Variants in FOXN3 observed in about 807,000 individuals in gnomAD.
FOXN3 encodes forkhead box N3, also known as forkhead box protein N3.
A neutral mutation model predicts 38.4 loss-of-function variants in FOXN3; 7 were observed. That is an observed-to-expected ratio of 0.18 (90% CI 0.10 to 0.34). The LOEUF (loss-of-function observed/expected upper bound fraction) is 0.34. Among genes scored for constraint, FOXN3 ranks in the 10% least tolerant of loss-of-function variants. FOXN3 has a pLI of 1.00. For missense variants in FOXN3, 456 were observed against 613.4 expected, an observed-to-expected ratio of 0.74 and a Z score of 2.71; for synonymous variants, 230 against 242.2, an observed-to-expected ratio of 0.95 and a Z score of 0.47.
At chr14:89,396,342 G>C (rs1891097602) in intron 2 of FOXN3, among the ~76,000 whole-genome samples, 1 of 152,192 alleles carries the variant, frequency 6.6e-6, no homozygotes, top group Non-Finnish European at 1.5e-5. Context: ...GCAGAGAAAA[G>C]AGCATCAGGC....
At chr14:89,582,913 A>G (rs1895773672) in intron 1 of FOXN3, among the ~76,000 whole-genome samples, 1 of 152,058 alleles carries the variant, frequency 6.6e-6, no homozygotes, top group Non-Finnish European at 1.5e-5. Flanking sequence ...ACTTAATACA[A>G]TTATTTTGAG....
chr14:89,399,717 G>A (rs1041802329), intron 2 of FOXN3, among the ~76,000 whole-genome samples: 1 of 152,164 alleles, frequency 6.6e-6, no homozygotes, highest in Non-Finnish European at 1.5e-5. Context: ...GAGGGGCTGC[G>A]ATCTCTTTTA....
At chr14:89,422,118 G>A (rs1224426734), upstream of FOXN3, among the ~76,000 whole-genome samples, 6 of 148,854 alleles carry the variant, frequency 4.0e-5, no homozygotes, top group East Asian at 6.1e-4. Flanking sequence ...GCAATCTTCC[G>A]GCTTCGGCCT....
At chr14:89,242,905 C>CA (rs1885181934) in intron 4 of FOXN3, among the ~76,000 whole-genome samples, 1 of 152,198 alleles carries the variant, frequency 6.6e-6, no homozygotes, top group African/African-American at 2.4e-5. Flanking sequence ...TTAGAATATT[C>CA]ATCTGATGGT....
chr14:89,412,313 A>G lies in FOXN3; in HGVS notation c.164T>C (p.Met55Thr). 1 of 1,614,022 alleles carries G rather than the reference A, an allele frequency of 6.2e-7. No homozygotes were observed. Among genetic ancestry groups the G allele is most frequent in the East Asian group, 2.2e-5 (1 of 44,876 alleles). ...CAGGTTGGTCAGCTCTTCATCTTCCATGGCCCCCTCTTCTAATCGGATGTC... is the reference window on the plus strand; with the variant it reads ...CAGGTTGGTCAGCTCTTCATCTTCCGTGGCCCCCTCTTCTAATCGGATGTC... Reference protein sequence around the residue: ...LPDIRLEEGAMEDEELTNLNW... With the variant: ...LPDIRLEEGATEDEELTNLNW... The change falls in exon 2 of 6, where the codon ATG becomes ACG. Residue 55 changes from methionine (M) to threonine (T), a missense_variant. Physicochemically the swap from Met to Thr is moderately conservative, Grantham distance 81. This residue lies in a region of FOXN3 where 59 missense variants were observed against 69.0 expected (regional missense o/e 0.85). Transcript: ENST00000557258. The surrounding 1 kb of genome is among the most constrained non-coding windows in gnomAD (Gnocchi z 4.7).
intron 1 of FOXN3, among the ~76,000 whole-genome samples, chr14:89,553,592 C>T (rs1895054855): frequency 6.6e-6 from 1 of 152,118 alleles, no homozygotes; most frequent in Non-Finnish European, 1.5e-5. Flanking sequence ...CAATTAGGAT[C>T]CTCAGCCCCT....
At chr14:89,535,914 C>T (rs980497988) in intron 1 of FOXN3, among the ~76,000 whole-genome samples, 2 of 152,128 alleles carry the variant, frequency 1.3e-5, no homozygotes, top group Admixed American at 1.3e-4. Context: ...AAACATAAGT[C>T]GTTTGTAACA....
intron 4 of FOXN3, among the ~76,000 whole-genome samples, chr14:89,246,862 A>G (rs897936135): frequency 6.6e-6 from 1 of 152,150 alleles, no homozygotes; most frequent in Non-Finnish European, 1.5e-5. Flanking sequence ...TGGCTGAAGA[A>G]AAGAGAGCAT....
At chr14:89,200,403 G>T (rs61985224) in intron 4 of FOXN3, among the ~76,000 whole-genome samples, 1 of 152,066 alleles carries the variant, frequency 6.6e-6, no homozygotes, top group African/African-American at 2.4e-5. Context: ...GGTAAGTACA[G>T]AGCTCAAAGA....
chr14:89,339,058 C>T (rs1233139516), intron 3 of FOXN3, among the ~76,000 whole-genome samples: 3 of 152,216 alleles, frequency 2.0e-5, no homozygotes, highest in East Asian at 1.9e-4. Flanking sequence ...TGGAGTGCAA[C>T]GGTGCGATCT....
chr14:89,332,716 T>C (rs118054664), intron 3 of FOXN3, among the ~76,000 whole-genome samples: 3,088 of 152,140 alleles, frequency 0.02, 43 homozygotes, highest in South Asian at 0.041. Context: ...TACATCAAAC[T>C]AAAAAGTTTT....
chr14:89,569,207 A>AT (rs1373474734), intron 1 of FOXN3, among the ~76,000 whole-genome samples: 18 of 151,954 alleles, frequency 1.2e-4, no homozygotes, highest in East Asian at 3.9e-4. Context: ...TCCGTCTCAA[A>AT]GAAAAAGAAA....
intron 1 of FOXN3, among the ~76,000 whole-genome samples, chr14:89,459,752 C>T (rs557992070): frequency 6.6e-6 from 1 of 152,216 alleles, no homozygotes; most frequent in South Asian, 2.1e-4. Flanking sequence ...AGAAAGCAGG[C>T]CCTCAGGTAC....
intron 4 of FOXN3, among the ~76,000 whole-genome samples, chr14:89,211,193 C>A (rs549588823): frequency 6.6e-6 from 1 of 152,208 alleles, no homozygotes; most frequent in Non-Finnish European, 1.5e-5. Context: ...TCTGGAGGGA[C>A]CTGAGCCCAG....
intron 1 of FOXN3, among the ~76,000 whole-genome samples, chr14:89,439,079 G>A (rs1197931651): frequency 1.3e-5 from 2 of 152,042 alleles, no homozygotes; most frequent in Non-Finnish European, 1.5e-5. Flanking sequence ...TCTTAAAGAG[G>A]TACCCACCCC....
intron 1 of FOXN3, among the ~76,000 whole-genome samples, chr14:89,475,587 T>C (rs574800090): frequency 6.6e-6 from 1 of 152,276 alleles, no homozygotes; most frequent in East Asian, 1.9e-4. Context: ...CCCCGGAGTT[T>C]AAGGCTGCAG....
chr14:89,488,836 TC>T (rs1168193882), intron 1 of FOXN3, among the ~76,000 whole-genome samples: 3 of 152,096 alleles, frequency 2.0e-5, no homozygotes, highest in Non-Finnish European at 4.4e-5. Context: ...TTACCACGCC[TC>T]GACAGCCCCT....
intron 3 of FOXN3, among the ~76,000 whole-genome samples, chr14:89,336,107 T>C (rs547352204): frequency 6.6e-6 from 1 of 151,026 alleles, no homozygotes; most frequent in South Asian, 2.1e-4. Flanking sequence ...ACATTCGCTT[T>C]TCGATTTTGT....
intron 2 of FOXN3, 67 bp from the exon 3 acceptor site, chr14:89,350,875 G>T: frequency 1.7e-6 from 2 of 1,167,476 alleles, no homozygotes; most frequent in South Asian, 2.2e-5. Flanking sequence ...ATAAGTAGAT[G>T]TATAGCTATT....
Sources: gnomAD v4.1 joint callset for allele counts (sites outside exome capture counted in the v4.1 genomes callset) on GRCh38, gnomAD v4.1.1 for gene constraint, gnomAD v4.1.1 regional missense constraint, Gnocchi (gnomAD v3.1) non-coding constraint, MANE v1.5 for transcripts, NCBI Gene and HGNC (gene_info 2026-07-23, HGNC 2026-07-21) for gene names.